Variants in LIN54 observed in about 807,000 individuals in gnomAD.
LIN54 encodes lin-54 DREAM MuvB core complex component.
Under a neutral mutation model 78.7 loss-of-function variants are expected in LIN54, and 9 were observed. The observed-to-expected ratio is 0.11, with a 90% CI of 0.07 to 0.20. The LOEUF (loss-of-function observed/expected upper bound fraction) is 0.20. LIN54 is among the 10% of genes least tolerant of loss of function. The pLI, the probability that LIN54 is intolerant of heterozygous loss-of-function variation, is 1.00. For synonymous variants in LIN54, 269 were observed against 318.4 expected, an observed-to-expected ratio of 0.84 and a Z score of 1.65; for missense variants, 573 against 889.9, an observed-to-expected ratio of 0.64 and a Z score of 4.53.
At chr4:82,991,154 GAAAAAAA>G (rs56936823) in intron 1 of LIN54, among the ~76,000 whole-genome samples, 4 of 86,360 alleles carry the variant, frequency 4.6e-5, no homozygotes, top group African/African-American at 1.6e-4. Context: ...TGTCTCTTAA[GAAAAAAA>G]AAAAAAAAAA....
intron 5 of LIN54, chr4:82,944,724 T>C (rs539402431): frequency 2.6e-4 from 39 of 152,288 alleles, no homozygotes; most frequent in African/African-American, 8.4e-4. Flanking sequence ...CTGATTTTTT[T>C]TTTAATTTTT....
rs1039660939 is a variant in LIN54 at position 82,996,339 on chromosome 4, G to A, written c.-32-11463C>T. 2.6e-5 allele frequency among the ~76,000 whole-genome samples: 4 copies of A among 152,032 alleles called. 1 individual carries two copies. The highest frequency in any genetic ancestry group is 5.9e-5 in the Non-Finnish European group (4 of 67,962). ...TTAGTTCACCTCATCTGTAGAAGGCGTTACCTGTGAAGGTATGGTAGAGAA... is the reference window on the plus strand; with the variant it reads ...TTAGTTCACCTCATCTGTAGAAGGCATTACCTGTGAAGGTATGGTAGAGAA... On this transcript the variant is annotated intron_variant, in intron 1 of 12. Transcript: ENST00000340417.
At chr4:82,985,384 C>A (rs1191865894) in intron 1 of LIN54, among the ~76,000 whole-genome samples, 1 of 152,160 alleles carries the variant, frequency 6.6e-6, no homozygotes, top group East Asian at 1.9e-4. Context: ...CCATTAAATA[C>A]CCAAATTAAA....
intron 11 of LIN54, among the ~76,000 whole-genome samples, chr4:82,933,373 CT>C (rs1315254326): frequency 6.7e-6 from 1 of 150,050 alleles, no homozygotes; most frequent in African/African-American, 2.5e-5. Flanking sequence ...TTAACTTCCC[CT>C]ATACCAAAAA....
At chr4:82,937,460 CAATGTTA>C (rs1321642697) in intron 8 of LIN54, among the ~76,000 whole-genome samples, 162 bp from the exon 9 acceptor site, 1 of 152,074 alleles carries the variant, frequency 6.6e-6, no homozygotes, top group Non-Finnish European at 1.5e-5. Context: ...AAGCTTTAAC[CAATGTTA>C]AATGTGTCCA....
chr4:82,946,974 G>C (rs1285767329), intron 4 of LIN54, among the ~76,000 whole-genome samples: 1 of 151,608 alleles, frequency 6.6e-6, no homozygotes. Context: ...GACTGGTCTT[G>C]AACTCCTGAC....
At chr4:82,930,100 T>C (rs1226128159) in intron 12 of LIN54, among the ~76,000 whole-genome samples, 1 of 152,160 alleles carries the variant, frequency 6.6e-6, no homozygotes, top group Non-Finnish European at 1.5e-5. Context: ...GGTTTCACCA[T>C]GTTGGCCAGG....
At chr4:82,966,220 A>C (rs1488838506) in intron 4 of LIN54, among the ~76,000 whole-genome samples, 1 of 152,182 alleles carries the variant, frequency 6.6e-6, no homozygotes, top group Non-Finnish European at 1.5e-5. Context: ...TCGTCTAGAT[A>C]ATCTGTGGGT....
At chr4:82,938,351 T>C in intron 8 of LIN54, 62 bp downstream of exon 8, 2 of 902,764 alleles carry the variant, frequency 2.2e-6, no homozygotes, top group Non-Finnish European at 1.9e-6. Flanking sequence ...TTGGAATATA[T>C]ATATTTACTG....
At chr4:82,947,808 C>G (rs1457807610) in intron 4 of LIN54, among the ~76,000 whole-genome samples, 3 of 152,036 alleles carry the variant, frequency 2.0e-5, no homozygotes, top group African/African-American at 7.2e-5. Flanking sequence ...ACATCCTCAC[C>G]TACTCTATAA....
At chr4:82,995,461 A>G (rs1334824391) in intron 1 of LIN54, among the ~76,000 whole-genome samples, 1 of 143,556 alleles carries the variant, frequency 7.0e-6, no homozygotes, top group Non-Finnish European at 1.5e-5. Context: ...AATATAGATG[A>G]CTGTCTTATG....
At position 82,925,672 on chromosome 4, in the gene LIN54, T is replaced by G. The variant is rs556731454; in HGVS notation, c.*2430A>C. Reference sequence around the variant, plus strand: ...AAAAGGTTTTTTGCATATTAAATGGTTAATAAAGTGGTGTTATTATACTAA... The same window carrying G: ...AAAAGGTTTTTTGCATATTAAATGGGTAATAAAGTGGTGTTATTATACTAA... On this transcript the variant is annotated 3_prime_UTR_variant, in exon 13 of 13. Coordinates refer to ENST00000340417, the MANE Select transcript of LIN54 (RefSeq NM_194282.4). The G allele has an allele frequency of 6.6e-6, 1 of 152,670 alleles. No homozygotes were observed. Among genetic ancestry groups the G allele is most frequent in the Non-Finnish European group, 1.5e-5 (1 of 68,050 alleles). 9.5% of individuals were successfully genotyped at this position (152,670 alleles called of 1,614,324 possible). A position where few individuals can be genotyped will look rare whatever the true frequency, so the allele number is the denominator to read the frequency against.
At position 82,939,949 on chromosome 4, in the gene LIN54, A is replaced by C; in HGVS notation, c.1182T>G (p.Val394=). 1 of 1,601,742 alleles carries C rather than the reference A, an allele frequency of 6.2e-7. No homozygotes were observed. The highest frequency in any genetic ancestry group is 8.5e-7 in the Non-Finnish European group (1 of 1,176,456). The change falls in exon 6 of 13, where the codon GTT becomes GTG. Residue 394 remains valine, a synonymous_variant. Transcript: ENST00000340417. ...ACATCCGCACTGGGGTTGTATTAAC[A>C]ACCACTGGCTTTGCTTTTTAAAAAA... ...TQPLQQAKPV[V]VNTTPVRMSV... is the part of the protein sequence containing the mutation.
chr4:82,970,419 T>G lies in LIN54; in HGVS notation c.859A>C (p.Ile287Leu). The G allele has an allele frequency of 6.2e-7, 1 of 1,613,128 alleles. No individual in the cohort carries two copies. Among genetic ancestry groups the G allele is most frequent in the Non-Finnish European group, 8.5e-7 (1 of 1,179,272 alleles). ...TPGTPSKTIT[I>L]SESGVIGSTL... is the part of the protein sequence containing the mutation. ...GATCCAATAACACCACTTTCAGATATTGTTATGGTCTTTGATGGAGTTCCG... is the reference window on the plus strand; with the variant it reads ...GATCCAATAACACCACTTTCAGATAGTGTTATGGTCTTTGATGGAGTTCCG... The change falls in exon 4 of 13, where the codon ATA becomes CTA. Residue 287 changes from isoleucine (I) to leucine (L), a missense_variant. By Grantham distance (5) the Ile-to-Leu change is conservative. This residue lies in a region of LIN54 where 199 missense variants were observed against 260.9 expected (regional missense o/e 0.76). Coordinates refer to ENST00000340417, the MANE Select transcript of LIN54 (RefSeq NM_194282.4).
intron 4 of LIN54, among the ~76,000 whole-genome samples, chr4:82,968,787 A>C (rs567855547): frequency 4.6e-5 from 7 of 152,212 alleles, no homozygotes; most frequent in East Asian, 1.9e-4. Flanking sequence ...CCCCCAAACT[A>C]TCTCTCATAA....
In LIN54 at chr4:82,926,353, A is replaced by G. The variant is rs1052089441; in HGVS notation, c.*1749T>C. ...TTGAGGTGCTAAGAATGTTTGAACTATCTACATTTAAAGTTACTGCACTAT... is the reference window on the plus strand; with the variant it reads ...TTGAGGTGCTAAGAATGTTTGAACTGTCTACATTTAAAGTTACTGCACTAT... On this transcript the variant is annotated 3_prime_UTR_variant, in exon 13 of 13. Transcript: ENST00000340417. 5 of 152,508 alleles carry G rather than the reference A, an allele frequency of 3.3e-5. No homozygotes were observed. Among genetic ancestry groups the G allele is most frequent in the African/African-American group, 4.8e-5 (2 of 41,428 alleles). 9.4% of individuals were successfully genotyped at this position (152,508 alleles called of 1,614,324 possible).
chr4:82,980,671 T>C (rs530538242), intron 2 of LIN54, among the ~76,000 whole-genome samples: 1 of 152,270 alleles, frequency 6.6e-6, no homozygotes, highest in South Asian at 2.1e-4. Context: ...TAATGAAATT[T>C]AGAGAAATAC....
intron 4 of LIN54, among the ~76,000 whole-genome samples, chr4:82,948,987 T>C (rs1723628082): frequency 6.6e-6 from 1 of 152,218 alleles, no homozygotes; most frequent in South Asian, 2.1e-4. Flanking sequence ...GAAGTGCAGA[T>C]ATCCTCAGGA....
At position 82,931,147 on chromosome 4, in the gene LIN54, TAA is replaced by T. The variant is rs1204969329; in HGVS notation, c.1846-4_1846-3del. On this transcript the variant is annotated splice_polypyrimidine_tract_variant and splice_region_variant and intron_variant, in intron 11 of 12. Transcript: ENST00000340417. ...TATTGAGGAACACATTATTTTTGCC[TAA>T]AAGATTTACATAAGAAAAGTTTCCA... 6 of 1,613,100 alleles carry T rather than the reference TAA, an allele frequency of 3.7e-6. No individual in the cohort carries two copies. The highest frequency in any genetic ancestry group is 5.1e-6 in the Non-Finnish European group (6 of 1,179,282).
Sources: gnomAD v4.1 joint callset for allele counts (sites outside exome capture counted in the v4.1 genomes callset) on GRCh38, gnomAD v4.1.1 for gene constraint, gnomAD v4.1.1 regional missense constraint, MANE v1.5 for transcripts, NCBI Gene and HGNC (gene_info 2026-07-23, HGNC 2026-07-21) for gene names.